The following PADI1 variants were observed in gnomAD, a reference collection of about 807,000 sequenced individuals.
PADI1 encodes peptidyl arginine deiminase 1.
A neutral mutation model predicts 74.8 loss-of-function variants in PADI1; 65 were observed. That is an observed-to-expected ratio of 0.87 (90% CI 0.71 to 1.07). The LOEUF is 1.07. Among genes scored for constraint, PADI1 ranks in the 50% least tolerant of loss-of-function variants. The pLI is 0.00. For synonymous variants in PADI1, 371 were observed against 336.2 expected (o/e 1.10, Z -1.13); for missense variants, 943 against 854.0 (o/e 1.10, Z -1.30).
chr1:17,229,001 C>A lies in PADI1; in HGVS notation c.879C>A (p.Pro293=), dbSNP rs769984226. The A allele has an allele frequency of 9.8e-5, 157 of 1,594,994 alleles. No individual in the cohort carries two copies. Among genetic ancestry groups the A allele is most frequent in the Non-Finnish European group, 1.3e-4 (151 of 1,170,096 alleles). Residue 293 remains proline, a synonymous_variant, in exon 8 of 16, where the codon CCC becomes CCA. Transcript: ENST00000375471. ...ACACTGTGGGCTTCCGCATGGCCCC[C>A]TGGATCATGACGCCCAACACTCAGC... ...FTDTVGFRMA[P]WIMTPNTQPP... is the part of the protein sequence containing the mutation.
At position 17,207,575 on chromosome 1, in the gene PADI1, C is replaced by T. The variant is rs72895770; in HGVS notation, c.92+2266C>T. On this transcript the variant is annotated intron_variant, in intron 1 of 15. Coordinates refer to ENST00000375471, the MANE Select transcript of PADI1 (RefSeq NM_013358.3). ...CTTTTCTCCAGCATCTGTCCTTTCC[C>T]TCACACCTGAGAGGATGGGAGGAGA... is the stretch of plus-strand genomic sequence containing the variant. 7.7e-3 allele frequency among the ~76,000 whole-genome samples: 1,167 copies of T among 152,348 alleles called. 22 individuals carry two copies. The highest frequency in any genetic ancestry group is 0.026 in the African/African-American group (1,090 of 41,568).
Position 17,228,679 on chromosome 1 carries a change from A to G in PADI1, c.707A>G (p.Tyr236Cys), listed in dbSNP as rs556660823. 32 of 1,614,062 alleles carry G rather than the reference A, an allele frequency of 2.0e-5. No individual in the cohort carries two copies. Among genetic ancestry groups the G allele is most frequent in the Middle Eastern group, 1.7e-4 (1 of 6,060 alleles). Residue 236 changes from tyrosine to cysteine, a missense_variant, in exon 7 of 16, where the codon TAT becomes TGT. Physicochemically the swap from Tyr to Cys is radical, Grantham distance 194. Transcript: ENST00000375471. ...KQVLGPQCLS[Y>C]EVERQPGEQE... Reference sequence around the variant, plus strand: ...GTGCTGGGGCCCCAGTGTCTGTCCTATGAAGTTGAGCGACAGCCAGGGGAG... The same window carrying G: ...GTGCTGGGGCCCCAGTGTCTGTCCTGTGAAGTTGAGCGACAGCCAGGGGAG...
chr1:17,215,381 ATCATCATCATCATCG>A (rs372449880), intron 1 of PADI1, among the ~76,000 whole-genome samples: 11,503 of 150,772 alleles, frequency 0.076, 905 homozygotes, highest in African/African-American at 0.2. Flanking sequence ...CCCTTCTTTC[ATCATCATCATCATCG>A]TCATCATCAT....
chr1:17,205,350 G>T, intron 1 of PADI1, 41 bp downstream of exon 1: 1 of 1,537,346 alleles, frequency 6.5e-7, no homozygotes, highest in Admixed American at 1.7e-5. Context: ...AGAGAGCTGG[G>T]TTAGAGTGTA....
In PADI1 at chr1:17,226,023, C is replaced by G. The variant is rs1170179346; in HGVS notation, c.527-10C>G. 1.2e-6 allele frequency: 2 copies of G among 1,614,010 alleles called. No homozygotes were observed. The highest frequency in any genetic ancestry group is 1.7e-5 in the Admixed American group (1 of 60,016). On this transcript the variant is annotated splice_polypyrimidine_tract_variant and intron_variant, in intron 5 of 15. Coordinates refer to ENST00000375471, the MANE Select transcript of PADI1 (RefSeq NM_013358.3). ...AGAAAGGGCGATCTCAAGAGGGCCACTCTCTCCAGACCTGCAGGACATGTC... is the reference window on the plus strand; with the variant it reads ...AGAAAGGGCGATCTCAAGAGGGCCAGTCTCTCCAGACCTGCAGGACATGTC...
In PADI1 at chr1:17,244,496, A is replaced by G. The variant is rs1197738363; in HGVS notation, c.*253A>G. The G allele has an allele frequency of 5.0e-6, 3 of 600,638 alleles. No individual in the cohort carries two copies. The highest frequency in any genetic ancestry group is 9.4e-6 in the Non-Finnish European group (3 of 320,342). The allele number at this position is 600,638 out of a possible 1,614,324, so 37.2% of individuals were successfully genotyped here. On this transcript the variant is annotated 3_prime_UTR_variant, in exon 16 of 16. Coordinates refer to ENST00000375471, the MANE Select transcript of PADI1 (RefSeq NM_013358.3). ...CCCACCCACAGCCCCCAGAGGCTCT[A>G]GATCAACAATGTTAGCATGTTCCAG...
At chr1:17,206,207 G>A (rs182034358) in intron 1 of PADI1, among the ~76,000 whole-genome samples, 7 of 152,350 alleles carry the variant, frequency 4.6e-5, no homozygotes, top group Admixed American at 3.9e-4. Context: ...GCTGGGTGCT[G>A]GGGGTCTGTT....
chr1:17,239,545 T>C, intron 13 of PADI1, 159 bp from the exon 14 acceptor site: 1 of 599,696 alleles, frequency 1.7e-6, no homozygotes, highest in South Asian at 2.0e-5. Flanking sequence ...CATGGCTTGG[T>C]CCCTTCAGGG....
intron 1 of PADI1, among the ~76,000 whole-genome samples, chr1:17,210,526 G>A (rs1447740965): frequency 6.6e-6 from 1 of 152,068 alleles, no homozygotes; most frequent in Non-Finnish European, 1.5e-5. Flanking sequence ...ATTCCTGGCT[G>A]GGCAGAGCTC....
Position 17,205,287 on chromosome 1 carries a change from G to C in PADI1, c.70G>C (p.Glu24Gln), listed in dbSNP as rs61741697. Reference protein sequence around the residue: ...PTHAVCVVGVEAHVDIHSDVP... With the variant: ...PTHAVCVVGVQAHVDIHSDVP... ...CCATGCCGTGTGTGTGGTGGGAGTC[G>C]AGGCACATGTGGACATTCACAGGTA... The change falls in exon 1 of 16, where the codon GAG becomes CAG. Residue 24 changes from glutamate to glutamine, a missense_variant. By Grantham distance (29) the Glu-to-Gln change is conservative. Coordinates refer to ENST00000375471, the MANE Select transcript of PADI1 (RefSeq NM_013358.3). The C allele has an allele frequency of 6.2e-7, 1 of 1,613,900 alleles. No homozygotes were observed. The highest frequency in any genetic ancestry group is 8.5e-7 in the Non-Finnish European group (1 of 1,179,848).
chr1:17,222,419 A>C lies in PADI1; in HGVS notation c.222A>C (p.Ala74=). The change falls in exon 2 of 16, where the codon GCA becomes GCC. Residue 74 remains alanine, a synonymous_variant. Transcript: ENST00000375471. ...GKARWPLDTD[A]DMVVSVGTAS... ...CCCGTTGGCCGCTAGACACTGATGC[A>C]GACATGGTCGTATCTGTGGGCACAG... is the stretch of plus-strand genomic sequence containing the variant. The C allele has an allele frequency of 6.2e-7, 1 of 1,614,112 alleles. No individual in the cohort carries two copies. The highest frequency in any genetic ancestry group is 8.5e-7 in the Non-Finnish European group (1 of 1,179,930).
chr1:17,226,778 G>C (rs753711042), intron 6 of PADI1, among the ~76,000 whole-genome samples: 1 of 151,900 alleles, frequency 6.6e-6, no homozygotes, highest in African/African-American at 2.4e-5. Flanking sequence ...GGCCGGGCAC[G>C]GTGGCTCACA....
intron 1 of PADI1, among the ~76,000 whole-genome samples, chr1:17,217,625 C>T (rs910171203): frequency 6.6e-6 from 1 of 152,222 alleles, no homozygotes; most frequent in South Asian, 2.1e-4. Context: ...AAACTCATCA[C>T]TGCTTAATTA....
chr1:17,228,553 T>G, intron 6 of PADI1, 72 bp from the exon 7 acceptor site: 1 of 1,534,310 alleles, frequency 6.5e-7, no homozygotes, highest in East Asian at 2.2e-5. Flanking sequence ...AAGGGGGCTC[T>G]GTCCTGGATT....
chr1:17,235,570 C>T (rs1297299232), intron 11 of PADI1, among the ~76,000 whole-genome samples: 1 of 152,054 alleles, frequency 6.6e-6, no homozygotes, highest in African/African-American at 2.4e-5. Flanking sequence ...GGGACCTGGG[C>T]TCAGGAGCAG....
At chr1:17,211,152 C>A (rs2071824300) in intron 1 of PADI1, among the ~76,000 whole-genome samples, 1 of 152,166 alleles carries the variant, frequency 6.6e-6, no homozygotes, top group Non-Finnish European at 1.5e-5. Flanking sequence ...CTCCTCCATG[C>A]CTTTCAGATG....
chr1:17,244,366 G>A lies in PADI1; in HGVS notation c.*123G>A, dbSNP rs1435251718. 3 of 753,858 alleles carry A rather than the reference G, an allele frequency of 4.0e-6. No individual in the cohort carries two copies. Among genetic ancestry groups the A allele is most frequent in the Admixed American group, 2.0e-5 (1 of 50,328 alleles). 46.7% of individuals were successfully genotyped at this position (753,858 alleles called of 1,614,324 possible). A position where few individuals can be genotyped will look rare whatever the true frequency, so the allele number is the denominator to read the frequency against. On this transcript the variant is annotated 3_prime_UTR_variant, in exon 16 of 16. Coordinates refer to ENST00000375471, the MANE Select transcript of PADI1 (RefSeq NM_013358.3). ...GTCTTGGCACTTTGCAAACATCCTG[G>A]CCACCATGGGCACCAGGACACAGGG...
chr1:17,226,368 C>G (rs528758914), intron 6 of PADI1, among the ~76,000 whole-genome samples: 4 of 152,180 alleles, frequency 2.6e-5, no homozygotes, highest in Non-Finnish European at 4.4e-5. Flanking sequence ...GGCTCAGATG[C>G]AGGAATTCAC....
At chr1:17,240,862 C>A (rs768757174) in intron 15 of PADI1, 102 bp downstream of exon 15, 2 of 1,279,730 alleles carry the variant, frequency 1.6e-6, no homozygotes, top group Non-Finnish European at 2.2e-6. Context: ...GAGGGCCCTG[C>A]GGACCTCTCC....
Sources: allele counts gnomAD v4.1 joint callset (sites outside exome capture counted in the v4.1 genomes callset), GRCh38; gene constraint gnomAD v4.1.1; transcripts MANE v1.5; gene names NCBI Gene and HGNC (gene_info 2026-07-23, HGNC 2026-07-21).